Variants in STXBP6 observed in about 807,000 individuals in gnomAD.
STXBP6 encodes the protein syntaxin-binding protein 6.
In STXBP6, 21 loss-of-function variants were observed where a neutral mutation model predicts 26.9. That is an observed-to-expected ratio of 0.78 (90% CI 0.55 to 1.12). The LOEUF (loss-of-function observed/expected upper bound fraction) is 1.12, where lower values mean the gene tolerates loss of function less well. Among genes scored for constraint, STXBP6 ranks in the 50% most tolerant of loss-of-function variants. STXBP6 has a pLI of 0.00. For synonymous variants in STXBP6, 97 were observed against 92.6 expected (o/e 1.05, Z -0.27); for missense variants, 232 against 257.9 (o/e 0.90, Z 0.69).
intron 2 of STXBP6, among the ~76,000 whole-genome samples, chr14:24,883,696 T>A (rs1294915791): frequency 6.6e-6 from 1 of 151,880 alleles, no homozygotes; most frequent in East Asian, 1.9e-4. Context: ...CCCACTGGAA[T>A]CACTGGGCTG....
chr14:24,974,502 ACAAGGTGT>A (rs2073990388), intron 2 of STXBP6, among the ~76,000 whole-genome samples, 155 bp downstream of exon 2: 1 of 152,218 alleles, frequency 6.6e-6, no homozygotes, highest in Non-Finnish European at 1.5e-5. Flanking sequence ...AACCTCAAAA[ACAAGGTGT>A]CACCAGTAAA....
rs573000786 is a variant in STXBP6, at chr14:24,855,952, T to C, written c.435A>G (p.Gln145=). ...TDRKPEFINC[Q]SKIMGGNSIL... Reference sequence around the variant, plus strand: ...TCCACTCACCTCCCATAATTTTGGATTGGCAGTTAATAAACTCTGGCTTCC... The same window carrying C: ...TCCACTCACCTCCCATAATTTTGGACTGGCAGTTAATAAACTCTGGCTTCC... The change falls in exon 4 of 6, where the codon CAA becomes CAG. Residue 145 remains glutamine, a synonymous_variant. Coordinates refer to ENST00000323944, the MANE Select transcript of STXBP6 (RefSeq NM_001394410.1). 1.2e-5 allele frequency: 19 copies of C among 1,604,110 alleles called. No homozygotes were observed. Among genetic ancestry groups the C allele is most frequent in the Admixed American group, 1.7e-5 (1 of 57,664 alleles).
At chr14:25,011,139 A>C (rs2140378671) in intron 1 of STXBP6, among the ~76,000 whole-genome samples, 1 of 152,358 alleles carries the variant, frequency 6.6e-6, no homozygotes, top group East Asian at 1.9e-4. Context: ...TTAGTATTAA[A>C]GATCTACTTT....
At chr14:24,927,031 A>T (rs1170578693) in intron 2 of STXBP6, among the ~76,000 whole-genome samples, 1 of 152,216 alleles carries the variant, frequency 6.6e-6, no homozygotes, top group Non-Finnish European at 1.5e-5. Context: ...AGTGGACGCA[A>T]ACAAGTAAAA....
chr14:24,947,282 A>G (rs2073023797), intron 2 of STXBP6, among the ~76,000 whole-genome samples: 2 of 152,204 alleles, frequency 1.3e-5, no homozygotes, highest in Non-Finnish European at 2.9e-5. Flanking sequence ...GCTGTGGCTT[A>G]TGCTCAGGCA....
chr14:24,907,174 G>T (rs1385260136), intron 2 of STXBP6, among the ~76,000 whole-genome samples: 2 of 152,030 alleles, frequency 1.3e-5, no homozygotes, highest in Non-Finnish European at 2.9e-5. Flanking sequence ...AATTTGTGAT[G>T]TTCTCAACAC....
intron 2 of STXBP6, among the ~76,000 whole-genome samples, chr14:24,913,046 T>C (rs2071630618): frequency 6.6e-6 from 1 of 152,180 alleles, no homozygotes; most frequent in African/African-American, 2.4e-5. Context: ...TGCAAACACC[T>C]ACCCTGCCAG....
At chr14:25,028,749 AAATT>A (rs1385646388) in intron 1 of STXBP6, among the ~76,000 whole-genome samples, 2 of 152,188 alleles carry the variant, frequency 1.3e-5, no homozygotes, top group Non-Finnish European at 2.9e-5. Context: ...AGTCACTTCA[AAATT>A]TTCTAAAAGG....
At chr14:24,999,055 C>A (rs1433269899) in intron 1 of STXBP6, among the ~76,000 whole-genome samples, 1 of 152,074 alleles carries the variant, frequency 6.6e-6, no homozygotes, top group Non-Finnish European at 1.5e-5. Flanking sequence ...GCTGAACTTA[C>A]AATGAAGTTA....
intron 1 of STXBP6, among the ~76,000 whole-genome samples, chr14:24,999,224 A>G (rs534050226): frequency 2.6e-4 from 40 of 152,174 alleles, no homozygotes; most frequent in African/African-American, 9.6e-4. Context: ...ACCCCAAAAA[A>G]CCACCCTTAG....
intron 4 of STXBP6, among the ~76,000 whole-genome samples, chr14:24,851,232 C>G (rs985328959): frequency 1.0e-5 from 1 of 95,670 alleles, no homozygotes; most frequent in Non-Finnish European, 2.0e-5. Context: ...TGAGGCAGAC[C>G]ACGTCTCTTT....
chr14:24,855,851 A>T, intron 4 of STXBP6, 85 bp downstream of exon 4: 1 of 1,332,158 alleles, frequency 7.5e-7, no homozygotes, highest in South Asian at 1.5e-5. Flanking sequence ...TTTTGTCTTT[A>T]ATTATGCTGC....
At chr14:25,047,209 T>C (rs1436893721) in intron 1 of STXBP6, among the ~76,000 whole-genome samples, 1 of 152,182 alleles carries the variant, frequency 6.6e-6, no homozygotes, top group African/African-American at 2.4e-5. Flanking sequence ...ATTTTATAAA[T>C]TATAAAGGTC....
At chr14:24,928,855 C>G (rs1211493714) in intron 2 of STXBP6, among the ~76,000 whole-genome samples, 2 of 152,052 alleles carry the variant, frequency 1.3e-5, no homozygotes, top group Admixed American at 6.5e-5. Flanking sequence ...TTTTAGAGTT[C>G]TTTAAATTGA....
Position 25,049,216 on chromosome 14 carries a change from C to T in STXBP6, c.-33+662G>A, listed in dbSNP as rs1233319921. 2.0e-6 allele frequency: 2 copies of T among 985,360 alleles called. No homozygotes were observed. Among genetic ancestry groups the T allele is most frequent in the Middle Eastern group, 5.2e-4 (1 of 1,938 alleles). 61.0% of individuals were successfully genotyped at this position (985,360 alleles called of 1,614,324 possible). On this transcript the variant is annotated intron_variant, in intron 1 of 5. Transcript: ENST00000323944. This position sits in a 1 kb window ranked among gnomAD's most constrained non-coding sequence, Gnocchi z 5.6. ...AAATCAAGCCACCCACCTACTCCAGCCACGTTGCCCGGCGGTGTTGGTGAG... is the reference window on the plus strand; with the variant it reads ...AAATCAAGCCACCCACCTACTCCAGTCACGTTGCCCGGCGGTGTTGGTGAG...
chr14:24,824,205 T>C (rs773552270), intron 4 of STXBP6, among the ~76,000 whole-genome samples: 13 of 152,146 alleles, frequency 8.5e-5, no homozygotes, highest in Non-Finnish European at 1.5e-5. Context: ...AAAAGTCACA[T>C]AGAGATCTGG....
intron 4 of STXBP6, among the ~76,000 whole-genome samples, chr14:24,844,211 G>T (rs140692575): frequency 6.6e-6 from 1 of 152,216 alleles, no homozygotes; most frequent in Non-Finnish European, 1.5e-5. Context: ...GACAGAAGCC[G>T]CTATGCTCCG....
At chr14:24,953,580 T>C (rs1297272764) in intron 2 of STXBP6, among the ~76,000 whole-genome samples, 1 of 152,220 alleles carries the variant, frequency 6.6e-6, no homozygotes, top group Non-Finnish European at 1.5e-5. Context: ...TCCCAGTTTG[T>C]CACTCGCTTT....
Position 24,810,869 on chromosome 14 carries a change from G to GTGTGTGTGTC in STXBP6, c.*1839_*1840insGACACACACA, listed in dbSNP as rs1555303511. ...TTTGGAAAGATAAATACATCTCTGT[G>GTGTGTGTGTC]TGTGTGTGTGTGTGTGTGTGTGTGT... On this transcript the variant is annotated 3_prime_UTR_variant, in exon 6 of 6. Transcript: ENST00000323944. 2 of 147,496 alleles carry GTGTGTGTGTC rather than the reference G, an allele frequency of 1.4e-5. No homozygotes were observed. The highest frequency in any genetic ancestry group is 5.2e-5 in the African/African-American group (2 of 38,396). The allele number at this position is 147,496 out of a possible 1,614,324, so 9.1% of individuals were successfully genotyped here.
Sources: allele counts gnomAD v4.1 joint callset (sites outside exome capture counted in the v4.1 genomes callset), GRCh38; gene constraint gnomAD v4.1.1; non-coding constraint Gnocchi (gnomAD v3.1); transcripts MANE v1.5; gene names NCBI Gene and HGNC (gene_info 2026-07-23, HGNC 2026-07-21).